RNF138: variants seen among roughly 807,000 people sequenced by gnomAD.
RNF138 encodes E3 ubiquitin-protein ligase RNF138.
A neutral mutation model predicts 31.0 loss-of-function variants in RNF138; 12 were observed. That is an observed-to-expected ratio of 0.39 (90% CI 0.25 to 0.63). RNF138 has a LOEUF of 0.63. Ranked by LOEUF, RNF138 falls within the 20% of genes least tolerant of loss-of-function variation. The pLI is 0.52. For synonymous variants in RNF138, 105 were observed against 99.5 expected, an observed-to-expected ratio of 1.06 and a Z score of -0.33; for missense variants, 192 against 300.1, an observed-to-expected ratio of 0.64 and a Z score of 2.66.
At chr18:32,127,061 T>C (rs1006551803) in intron 7 of RNF138, among the ~76,000 whole-genome samples, 2 of 152,134 alleles carry the variant, frequency 1.3e-5, no homozygotes, top group African/African-American at 4.8e-5. Context: ...AAAATGATGA[T>C]TTACATGAAA....
At chr18:32,123,638 CT>C in intron 5 of RNF138, 64 bp downstream of exon 5, 1 of 989,808 alleles carries the variant, frequency 1.0e-6, no homozygotes, top group Non-Finnish European at 1.5e-6. Context: ...TATCAAATAG[CT>C]TTTTAAATTA....
intron 2 of RNF138, among the ~76,000 whole-genome samples, chr18:32,094,808 T>C (rs2039775900): frequency 6.6e-6 from 1 of 152,220 alleles, no homozygotes; most frequent in Non-Finnish European, 1.5e-5. Context: ...AGCAGGTCTT[T>C]TTTGGATAGA....
At chr18:32,116,701 G>A (rs1598859043) in intron 4 of RNF138, among the ~76,000 whole-genome samples, 1 of 151,756 alleles carries the variant, frequency 6.6e-6, no homozygotes, top group East Asian at 2.0e-4. Context: ...ATGGGCGCAT[G>A]CCACCACATC....
chr18:32,093,562 G>A (rs537848253), intron 2 of RNF138, among the ~76,000 whole-genome samples: 2 of 152,294 alleles, frequency 1.3e-5, no homozygotes, highest in South Asian at 4.1e-4. Flanking sequence ...ATTGAAATGA[G>A]CGTTCCCCTT....
chr18:32,095,816 A>C (rs1485542216), intron 2 of RNF138, among the ~76,000 whole-genome samples: 1 of 152,234 alleles, frequency 6.6e-6, no homozygotes, highest in Non-Finnish European at 1.5e-5. Flanking sequence ...TGCAGGGACT[A>C]CTAAGTACTG....
intron 7 of RNF138, among the ~76,000 whole-genome samples, chr18:32,127,936 C>T (rs975619415): frequency 5.9e-5 from 9 of 152,100 alleles, no homozygotes; most frequent in East Asian, 1.9e-4. Flanking sequence ...AAAAGTTAGC[C>T]GGGTGTGTTG....
chr18:32,127,507 T>C (rs1004029810), intron 7 of RNF138, among the ~76,000 whole-genome samples: 2 of 152,246 alleles, frequency 1.3e-5, no homozygotes, highest in East Asian at 1.9e-4. Context: ...GAACAAAATA[T>C]ACATTTTTGT....
At chr18:32,096,869 T>G (rs575672062) in intron 2 of RNF138, among the ~76,000 whole-genome samples, 4 of 152,134 alleles carry the variant, frequency 2.6e-5, no homozygotes, top group Non-Finnish European at 5.9e-5. Context: ...TAGCTGGGAC[T>G]ACAGGCACTC....
chr18:32,106,537 T>TTTTTA (rs773688913), intron 2 of RNF138, among the ~76,000 whole-genome samples: 7 of 150,572 alleles, frequency 4.6e-5, no homozygotes, highest in African/African-American at 7.4e-5. Flanking sequence ...GAAAAATTAT[T>TTTTTA]TTTTATTTTA....
intron 2 of RNF138, among the ~76,000 whole-genome samples, chr18:32,097,214 C>G (rs2039824721): frequency 6.6e-6 from 1 of 152,114 alleles, no homozygotes; most frequent in Admixed American, 6.5e-5. Flanking sequence ...TTTGAACAGT[C>G]AAGGAAATAA....
chr18:32,112,895 G>T (rs2040156464), intron 3 of RNF138, among the ~76,000 whole-genome samples: 1 of 152,128 alleles, frequency 6.6e-6, no homozygotes, highest in Admixed American at 6.5e-5. Context: ...AATAGCTAAT[G>T]AATTCAGTGA....
At chr18:32,105,675 G>A (rs945203428) in intron 2 of RNF138, among the ~76,000 whole-genome samples, 3 of 152,216 alleles carry the variant, frequency 2.0e-5, no homozygotes, top group Non-Finnish European at 4.4e-5. Flanking sequence ...TGATCCTGAA[G>A]TGGGGAATTC....
intron 4 of RNF138, among the ~76,000 whole-genome samples, chr18:32,116,082 T>C (rs1194631816): frequency 6.6e-6 from 1 of 152,194 alleles, no homozygotes; most frequent in Non-Finnish European, 1.5e-5. Context: ...TAGGTCCTCA[T>C]TGAGTTGAAG....
At chr18:32,106,929 C>G (rs1030187768) in intron 2 of RNF138, among the ~76,000 whole-genome samples, 4 of 152,016 alleles carry the variant, frequency 2.6e-5, no homozygotes, top group African/African-American at 9.7e-5. Flanking sequence ...ATTTATTGTA[C>G]AGGTCCTTCA....
chr18:32,092,774 G>T lies in RNF138; in HGVS notation c.-3G>T. 1 of 1,563,802 alleles carries T rather than the reference G, an allele frequency of 6.4e-7. No homozygotes were observed. On this transcript the variant is annotated 5_prime_UTR_variant, in exon 2 of 8. Coordinates refer to ENST00000261593, the MANE Select transcript of RNF138 (RefSeq NM_016271.5). ...CCATCGCCTTGTTTCCCCATCCCCC[G>T]CCATGGCCGAGGACCTCTCTGCGGC...
At chr18:32,123,607 A>G in intron 5 of RNF138, 33 bp downstream of exon 5, 1 of 1,395,276 alleles carries the variant, frequency 7.2e-7, no homozygotes, top group Non-Finnish European at 9.9e-7. Flanking sequence ...CACTTTAGCA[A>G]GTAATATTAT....
Position 32,107,566 on chromosome 18 carries a change from G to T in RNF138, c.111-4188G>T, listed in dbSNP as rs374139406. On this transcript the variant is annotated intron_variant, in intron 2 of 7. Transcript: ENST00000261593. ...GATGGAGTCTCACCCTGTCACCCAG[G>T]CTGGAGTGCAATGGCACGATCTTGG... Among the ~76,000 whole-genome samples, 5 of 151,968 alleles carry T rather than the reference G, an allele frequency of 3.3e-5. No individual in the cohort carries two copies. In the East Asian group the frequency reaches 7.8e-4, roughly 24 times the overall value.
In RNF138 at chr18:32,126,782, T is replaced by C; in HGVS notation, c.651T>C (p.Phe217=). The C allele has an allele frequency of 2.5e-6, 4 of 1,582,412 alleles. No homozygotes were observed. The highest frequency in any genetic ancestry group is 1.7e-4 in the Middle Eastern group (1 of 5,948). ...GTCATCTAAATCAGAGACATCAATTTGATTATGGAGAATTTGTGGTAAGTG... is the reference window on the plus strand; with the variant it reads ...GTCATCTAAATCAGAGACATCAATTCGATTATGGAGAATTTGTGGTAAGTG... ...FVSHLNQRHQ[F]DYGEFVNLQL... is the part of the protein sequence containing the mutation. The change falls in exon 7 of 8, where the codon TTT becomes TTC. Residue 217 remains phenylalanine (F), a synonymous_variant. Coordinates refer to ENST00000261593, the MANE Select transcript of RNF138 (RefSeq NM_016271.5).
chr18:32,108,491 C>T (rs1394720828), intron 2 of RNF138, among the ~76,000 whole-genome samples: 1 of 152,096 alleles, frequency 6.6e-6, no homozygotes. Flanking sequence ...TTGCTTATAG[C>T]TGTAACATTT....
Sources: gnomAD v4.1 joint callset for allele counts (sites outside exome capture counted in the v4.1 genomes callset) on GRCh38, gnomAD v4.1.1 for gene constraint, MANE v1.5 for transcripts, NCBI Gene and HGNC (gene_info 2026-07-23, HGNC 2026-07-21) for gene names.